TMEM132C: variants seen among roughly 807,000 people sequenced by gnomAD.
TMEM132C encodes transmembrane protein 132C, also known as protein phosphatase 1, regulatory subunit 152.
A neutral mutation model predicts 61.4 loss-of-function variants in TMEM132C; 29 were observed. The ratio of observed to expected loss-of-function variants is 0.47; its 90% CI spans 0.35 to 0.64. TMEM132C has a LOEUF of 0.64. Ranked by LOEUF, TMEM132C falls within the 30% of genes least tolerant of loss-of-function variation. The pLI is 0.00. For synonymous variants in TMEM132C, 656 were observed against 633.1 expected, an observed-to-expected ratio of 1.04 and a Z score of -0.54; for missense variants, 1,408 against 1,476.9, an observed-to-expected ratio of 0.95 and a Z score of 0.76.
At chr12:128,566,008 G>A (rs886548111) in intron 3 of TMEM132C, among the ~76,000 whole-genome samples, 7 of 152,150 alleles carry the variant, frequency 4.6e-5, no homozygotes, top group African/African-American at 1.4e-4. Flanking sequence ...TCCTGCCTCA[G>A]CCTTCCGAGT....
At chr12:128,301,209 G>A (rs1839838629) in intron 1 of TMEM132C, among the ~76,000 whole-genome samples, 1 of 152,094 alleles carries the variant, frequency 6.6e-6, no homozygotes, top group African/African-American at 2.4e-5. Context: ...AGGAAAGGAA[G>A]TGTAGGGAGG....
At position 128,397,688 on chromosome 12, in the gene TMEM132C, G is replaced by A. The variant is rs183352573; in HGVS notation, c.86-17044G>A. ...CTTTTCTCTTCTTCTTCTCTTCTGC[G>A]TTCCAACCTTGCACTCCTGCAGCGT... is the stretch of plus-strand genomic sequence containing the variant. On this transcript the variant is annotated intron_variant, in intron 1 of 8. Transcript: ENST00000435159. Among the ~76,000 whole-genome samples, 47 of 152,146 alleles carry A rather than the reference G, an allele frequency of 3.1e-4. 1 individual carries two copies. The highest frequency in any genetic ancestry group is 1.9e-3 in the East Asian group (10 of 5,156).
At chr12:128,588,986 G>A (rs1024793344) in intron 3 of TMEM132C, among the ~76,000 whole-genome samples, 3 of 152,192 alleles carry the variant, frequency 2.0e-5, no homozygotes, top group Non-Finnish European at 4.4e-5. Context: ...GTCTATGGAA[G>A]GGCTGCAGAC....
Position 128,459,387 on chromosome 12 carries a change from G to A in TMEM132C, c.974+43767G>A, listed in dbSNP as rs114629032. On this transcript the variant is annotated intron_variant, in intron 2 of 8. Coordinates refer to ENST00000435159, the MANE Select transcript of TMEM132C (RefSeq NM_001136103.3). Reference sequence around the variant, plus strand: ...GCCTGAATGAGCTCACTGTGGCTGGGGTAGAGAAGAGGACCTGGGTTTGAG... The same window carrying A: ...GCCTGAATGAGCTCACTGTGGCTGGAGTAGAGAAGAGGACCTGGGTTTGAG... Among the ~76,000 whole-genome samples the A allele has an allele frequency of 3.5e-3, 534 of 152,264 alleles. 1 individual carries two copies. Among genetic ancestry groups the A allele is most frequent in the African/African-American group, 0.012 (517 of 41,548 alleles).
At chr12:128,471,024 C>T (rs915492225) in intron 2 of TMEM132C, among the ~76,000 whole-genome samples, 1 of 152,234 alleles carries the variant, frequency 6.6e-6, no homozygotes, top group Non-Finnish European at 1.5e-5. Flanking sequence ...AACCTTGGCA[C>T]TACTGGTATT....
At chr12:128,431,550 C>CTTTTTTTT (rs386378189) in intron 2 of TMEM132C, among the ~76,000 whole-genome samples, 6 of 98,886 alleles carry the variant, frequency 6.1e-5, no homozygotes, top group African/African-American at 1.3e-4. Context: ...CCATCTAGGA[C>CTTTTTTTT]TTTTTTTTTT....
intron 4 of TMEM132C, among the ~76,000 whole-genome samples, chr12:128,629,159 C>T (rs937608811): frequency 3.5e-4 from 54 of 152,216 alleles, no homozygotes; most frequent in African/African-American, 1.1e-3. Context: ...ATTTTTCAAA[C>T]GAGAATGGAG....
At chr12:128,602,511 G>C (rs1461076391) in intron 3 of TMEM132C, among the ~76,000 whole-genome samples, 1 of 152,240 alleles carries the variant, frequency 6.6e-6, no homozygotes, top group Non-Finnish European at 1.5e-5. Context: ...GAAATGTTAG[G>C]TCTTCAGGTA....
chr12:128,320,069 A>G (rs1872281284), intron 1 of TMEM132C, among the ~76,000 whole-genome samples: 1 of 152,192 alleles, frequency 6.6e-6, no homozygotes, highest in South Asian at 2.1e-4. Context: ...ATAGTCCAAT[A>G]AGGCACAACC....
intron 3 of TMEM132C, among the ~76,000 whole-genome samples, chr12:128,594,260 C>T (rs577843713): frequency 5.9e-4 from 89 of 152,082 alleles, no homozygotes; most frequent in African/African-American, 1.9e-3. Context: ...GTTATGAGTC[C>T]GTGACAGCTG....
At position 128,616,324 on chromosome 12, in the gene TMEM132C, C is replaced by T; in HGVS notation, c.1294C>T (p.Pro432Ser). The change falls in exon 4 of 9, where the codon CCC (proline) becomes TCC (serine). Residue 432 changes from proline to serine, a missense_variant. Transcript: ENST00000435159. ...CCAGAAGGACCTGGTGGGCATCGTTCCCTTGGCTATGGTGAGTCCTGAGTT... is the reference window on the plus strand; with the variant it reads ...CCAGAAGGACCTGGTGGGCATCGTTTCCTTGGCTATGGTGAGTCCTGAGTT... ...VSQKDLVGIV[P>S]LAMDTEILNT... The T allele has an allele frequency of 6.4e-7, 1 of 1,551,588 alleles. No homozygotes were observed.
intron 2 of TMEM132C, among the ~76,000 whole-genome samples, chr12:128,457,433 A>G (rs1713640): frequency 0.99 from 150,783 of 151,816 alleles, 74,883 homozygotes; most frequent in Middle Eastern, 1. Flanking sequence ...AAAATTAGCC[A>G]GGTGTGGTGG....
At chr12:128,271,916 A>C (rs1325128708) in intron 1 of TMEM132C, among the ~76,000 whole-genome samples, 1 of 152,242 alleles carries the variant, frequency 6.6e-6, no homozygotes, top group Non-Finnish European at 1.5e-5. Context: ...GTTAATAAAA[A>C]TGTGTCTTTG....
intron 5 of TMEM132C, among the ~76,000 whole-genome samples, chr12:128,671,384 G>A (rs1057343845): frequency 6.6e-6 from 1 of 152,108 alleles, no homozygotes; most frequent in African/African-American, 2.4e-5. Flanking sequence ...AAGGCGATGT[G>A]AGGGCTTTAC....
intron 4 of TMEM132C, among the ~76,000 whole-genome samples, chr12:128,642,079 A>C (rs1210022465): frequency 6.6e-6 from 1 of 151,208 alleles, no homozygotes; most frequent in Non-Finnish European, 1.5e-5. Context: ...CTGGGATTAC[A>C]GGCATGAGCC....
At chr12:128,306,358 C>T (rs903668010) in intron 1 of TMEM132C, among the ~76,000 whole-genome samples, 31 of 151,986 alleles carry the variant, frequency 2.0e-4, no homozygotes, top group Admixed American at 1.3e-3. Context: ...CCCGCCACCA[C>T]GCCTGGCTAA....
At chr12:128,628,204 C>T (rs1272736355) in intron 4 of TMEM132C, among the ~76,000 whole-genome samples, 5 of 152,188 alleles carry the variant, frequency 3.3e-5, no homozygotes, top group Non-Finnish European at 7.3e-5. Flanking sequence ...CCCCTGGGAG[C>T]CCCTTCCTCA....
At chr12:128,622,361 ATATATATATATATATAT>A (rs1449362291) in intron 4 of TMEM132C, among the ~76,000 whole-genome samples, 4,902 of 38,168 alleles carry the variant, frequency 0.13, 531 homozygotes, top group Non-Finnish European at 0.17. Context: ...AAAAAAAAAA[ATATATATATATATATAT>A]ATATATATAT....
intron 2 of TMEM132C, among the ~76,000 whole-genome samples, chr12:128,540,473 C>G (rs1156286079): frequency 6.6e-6 from 1 of 152,138 alleles, no homozygotes; most frequent in Non-Finnish European, 1.5e-5. Flanking sequence ...AGGATAATCT[C>G]TATCTGCTGA....
Sources: gnomAD v4.1 joint callset for allele counts (sites outside exome capture counted in the v4.1 genomes callset) on GRCh38, gnomAD v4.1.1 for gene constraint, MANE v1.5 for transcripts, NCBI Gene and HGNC (gene_info 2026-07-23, HGNC 2026-07-21) for gene names.